REEP2: variants seen among roughly 807,000 people sequenced by gnomAD.
REEP2 encodes receptor accessory protein 2, also known as receptor expression-enhancing protein 2.
A neutral mutation model predicts 32.1 loss-of-function variants in REEP2; 9 were observed. The ratio of observed to expected loss-of-function variants is 0.28; its 90% CI spans 0.17 to 0.49. The LOEUF (loss-of-function observed/expected upper bound fraction) is 0.49, where lower values mean the gene tolerates loss of function less well. REEP2 is among the 20% of genes least tolerant of loss of function. The pLI is 0.99. For synonymous variants in REEP2, 128 were observed against 139.1 expected (o/e 0.92, Z 0.56); for missense variants, 236 against 338.0 (o/e 0.70, Z 2.37).
In REEP2 at chr5:138,441,334, C is replaced by T. The variant is rs941433046; in HGVS notation, c.106-51C>T. ...CAGGCAGAGCTGGGGTCCTGGGTGT[C>T]CCTGGCCCCTCAGCCCCGTGCCCCA... On this transcript the variant is annotated intron_variant, in intron 2 of 7. Transcript: ENST00000378339. The surrounding 1 kb of genome is among the most constrained non-coding windows in gnomAD (Gnocchi z 4.4). 6 of 1,530,666 alleles carry T rather than the reference C, an allele frequency of 3.9e-6. No individual in the cohort carries two copies. The African/African-American group carries it at 8.2e-5, about 21-fold the overall frequency. The allele number at this position is 1,530,666 out of a possible 1,614,324, so 94.8% of individuals were successfully genotyped here. A position where few individuals can be genotyped will look rare whatever the true frequency, so the allele number is the denominator to read the frequency against.
rs1763924020 is a variant in REEP2 at position 138,445,959 on chromosome 5, G to A, written c.*208G>A. 1.7e-6 allele frequency: 1 copy of A among 604,716 alleles called. No individual in the cohort carries two copies. The highest frequency in any genetic ancestry group is 2.9e-6 in the Non-Finnish European group (1 of 343,560). 37.5% of individuals were successfully genotyped at this position (604,716 alleles called of 1,614,324 possible). On this transcript the variant is annotated 3_prime_UTR_variant, in exon 8 of 8. Coordinates refer to ENST00000378339, the MANE Select transcript of REEP2 (RefSeq NM_001271803.2). ...GGCCCAGCTGTGGGGGTTGAGGGTAGAGGGTGGACCAGAGGCTGAGGACTG... is the reference window on the plus strand; with the variant it reads ...GGCCCAGCTGTGGGGGTTGAGGGTAAAGGGTGGACCAGAGGCTGAGGACTG...
chr5:138,443,372 A>G (rs1465031166), intron 3 of REEP2, among the ~76,000 whole-genome samples: 1 of 147,476 alleles, frequency 6.8e-6, no homozygotes, highest in Non-Finnish European at 1.5e-5. Context: ...AGGCAGAAGA[A>G]TTGCTTGAAC....
chr5:138,444,060 AC>A (rs1763876883), intron 3 of REEP2, among the ~76,000 whole-genome samples: 2 of 151,892 alleles, frequency 1.3e-5, no homozygotes, highest in Non-Finnish European at 2.9e-5. Flanking sequence ...AGGAGTGAAG[AC>A]CCAGGTGTAG....
chr5:138,444,686 C>A, intron 4 of REEP2, 68 bp from the exon 5 acceptor site: 1 of 1,567,502 alleles, frequency 6.4e-7, no homozygotes, highest in East Asian at 2.3e-5. Flanking sequence ...AGGCAGGGGC[C>A]TCTGTCCAGG....
In REEP2 at chr5:138,445,211, CGTG is replaced by C; in HGVS notation, c.418-10_418-8del. 6.3e-7 allele frequency: 1 copy of C among 1,575,468 alleles called. No homozygotes were observed. Among genetic ancestry groups the C allele is most frequent in the South Asian group, 1.2e-5 (1 of 85,016 alleles). On this transcript the variant is annotated splice_polypyrimidine_tract_variant and intron_variant, in intron 5 of 7. Transcript: ENST00000378339. The stretch of plus-strand genomic sequence containing the variant: ...CCCCTTCCCCCCGGCTCTCCCGGTG[CGTG>C]GTGGTGACCCTAGGGCCAGGGGGTG...
Position 138,441,335 on chromosome 5 carries a change from C to T in REEP2, c.106-50C>T. On this transcript the variant is annotated intron_variant, in intron 2 of 7. Transcript: ENST00000378339. This position sits in a 1 kb window ranked among gnomAD's most constrained non-coding sequence, Gnocchi z 4.4. ...AGGCAGAGCTGGGGTCCTGGGTGTC[C>T]CTGGCCCCTCAGCCCCGTGCCCCAG... 1.3e-6 allele frequency: 2 copies of T among 1,538,684 alleles called. No homozygotes were observed. Among genetic ancestry groups the T allele is most frequent in the Non-Finnish European group, 1.8e-6 (2 of 1,111,278 alleles).
At chr5:138,444,968 T>TCTGG (rs1391063569) in intron 5 of REEP2, 101 bp downstream of exon 5, 8 of 876,850 alleles carry the variant, frequency 9.1e-6, no homozygotes, top group Non-Finnish European at 1.2e-5. Flanking sequence ...CTGTAGAGAC[T>TCTGG]CTGGGCTCAT....
rs76951845 is a variant in REEP2, at chr5:138,440,951, G to A, written c.33-65G>A. On this transcript the variant is annotated intron_variant, in intron 1 of 7. Transcript: ENST00000378339. The stretch of plus-strand genomic sequence containing the variant: ...CCATTACTTACCCAGGGGCTGATGC[G>A]GAGCTGGGAGGGAGAGGCCACTGCC... The A allele has an allele frequency of 8.5e-3, 13,635 of 1,604,184 alleles. 66 individuals carry two copies. The highest frequency in any genetic ancestry group is 0.01 in the Non-Finnish European group (11,976 of 1,179,432).
In REEP2 at chr5:138,445,291, G is replaced by A. The variant is rs1289771121; in HGVS notation, c.481G>A (p.Asp161Asn). ...FSMQDLTLIRDEDALPLQRPD... is the reference protein window; with the variant it reads ...FSMQDLTLIRNEDALPLQRPD... ...CATGCAGGACCTGACCCTGATCCGG[G>A]ACGAGGACGCACTGCCCCTGCAGAG... The change falls in exon 6 of 8, where the codon GAC (aspartate) becomes AAC (asparagine). Residue 161 changes from aspartate to asparagine, a missense_variant. Transcript: ENST00000378339. The A allele has an allele frequency of 2.5e-6, 4 of 1,613,472 alleles. No individual in the cohort carries two copies. Among genetic ancestry groups the A allele is most frequent in the Non-Finnish European group, 3.4e-6 (4 of 1,179,968 alleles).
At chr5:138,445,184 C>T (rs536946477) in intron 5 of REEP2, 44 bp from the exon 6 acceptor site, 54 of 1,542,758 alleles carry the variant, frequency 3.5e-5, no homozygotes, top group Middle Eastern at 4.0e-4. Flanking sequence ...ATCTCCACCC[C>T]GCCCCTTCCC....
In REEP2 at chr5:138,441,341, C is replaced by T. The variant is rs752103052; in HGVS notation, c.106-44C>T. ...AGCTGGGGTCCTGGGTGTCCCTGGC[C>T]CCTCAGCCCCGTGCCCCAGCCAGCG... is the stretch of plus-strand genomic sequence containing the variant. On this transcript the variant is annotated intron_variant, in intron 2 of 7. Coordinates refer to ENST00000378339, the MANE Select transcript of REEP2 (RefSeq NM_001271803.2). The surrounding 1 kb of genome is among the most constrained non-coding windows in gnomAD (Gnocchi z 4.4). The T allele has an allele frequency of 6.4e-6, 10 of 1,559,298 alleles. No homozygotes were observed. The highest frequency in any genetic ancestry group is 8.8e-6 in the Non-Finnish European group (10 of 1,130,246).
rs531045002 is a variant in REEP2, at chr5:138,445,830, T to C, written c.*79T>C. 1.0e-5 allele frequency: 14 copies of C among 1,397,206 alleles called. No individual in the cohort carries two copies. In the East Asian group the frequency reaches 1.7e-4, roughly 17 times the overall value. The allele number at this position is 1,397,206 out of a possible 1,614,324, so 86.6% of individuals were successfully genotyped here. On this transcript the variant is annotated 3_prime_UTR_variant, in exon 8 of 8. Transcript: ENST00000378339. ...CAGACCCAGCCCCTGCTCCACACTG[T>C]GCCAGTAGCCTAGGTGTCTCAGGCC...
chr5:138,445,179 C>A (rs747924272), intron 5 of REEP2, 49 bp from the exon 6 acceptor site: 1 of 1,535,298 alleles, frequency 6.5e-7, no homozygotes. Flanking sequence ...CCTCTATCTC[C>A]ACCCCGCCCC....
chr5:138,441,156 A>G lies in REEP2; in HGVS notation c.105+68A>G, dbSNP rs1162081608. The G allele has an allele frequency of 3.8e-6, 6 of 1,592,220 alleles. No homozygotes were observed. Among genetic ancestry groups the G allele is most frequent in the South Asian group, 1.1e-5 (1 of 90,008 alleles). Reference sequence around the variant, plus strand: ...CAGAGAGGGGAGGGCACTGGGTCCTATTACAGATGGGGGTGACTTTGCACC... The same window carrying G: ...CAGAGAGGGGAGGGCACTGGGTCCTGTTACAGATGGGGGTGACTTTGCACC... On this transcript the variant is annotated intron_variant, in intron 2 of 7. Coordinates refer to ENST00000378339, the MANE Select transcript of REEP2 (RefSeq NM_001271803.2). This position sits in a 1 kb window ranked among gnomAD's most constrained non-coding sequence, Gnocchi z 4.4.
chr5:138,445,197 C>G (rs548755936), intron 5 of REEP2, 31 bp from the exon 6 acceptor site: 3 of 1,552,312 alleles, frequency 1.9e-6, no homozygotes, highest in Middle Eastern at 1.8e-4. Context: ...CCCTTCCCCC[C>G]GGCTCTCCCG....
chr5:138,439,774 G>A (rs548648203), intron 1 of REEP2: 1 of 456,054 alleles, frequency 2.2e-6, no homozygotes, highest in Non-Finnish European at 4.4e-6. Context: ...GCCCCCTAGG[G>A]AGGAAGTCTG....
intron 3 of REEP2, 123 bp from the exon 4 acceptor site, chr5:138,444,292 T>C (rs878965126): frequency 1.7e-6 from 2 of 1,197,996 alleles, no homozygotes; most frequent in South Asian, 1.5e-5. Flanking sequence ...ATGAGCCCCA[T>C]GGGGACCCCA....
intron 3 of REEP2, among the ~76,000 whole-genome samples, chr5:138,442,630 C>T (rs1202509362): frequency 6.6e-6 from 1 of 151,820 alleles, no homozygotes; most frequent in Non-Finnish European, 1.5e-5. Flanking sequence ...CCGAGGTGGG[C>T]GGATCATGAA....
chr5:138,444,488 G>A lies in REEP2; in HGVS notation c.256G>A (p.Val86Met), dbSNP rs1763886575. 5.0e-6 allele frequency: 8 copies of A among 1,614,102 alleles called. No individual in the cohort carries two copies. The highest frequency in any genetic ancestry group is 4.0e-5 in the African/African-American group (3 of 75,016). The change falls in exon 4 of 8, where the codon GTG (valine) becomes ATG (methionine). Residue 86 changes from valine to methionine, a missense_variant. Physicochemically the swap from Val to Met is conservative, Grantham distance 21. Transcript: ENST00000378339. ...GTCCCCTTACACCAAGGGCTCCAGC[G>A]TGCTCTACCGCAAGTTCGTGCACCC... ...LLSPYTKGSS[V>M]LYRKFVHPTL...
Sources: allele counts gnomAD v4.1 joint callset (sites outside exome capture counted in the v4.1 genomes callset), GRCh38; gene constraint gnomAD v4.1.1; non-coding constraint Gnocchi (gnomAD v3.1); transcripts MANE v1.5; gene names NCBI Gene and HGNC (gene_info 2026-07-23, HGNC 2026-07-21).